Variants in ATG10 observed in about 807,000 individuals in gnomAD.
The protein encoded by ATG10 is autophagy related 10, also known as ubiquitin-like-conjugating enzyme ATG10.
A neutral mutation model predicts 32.1 loss-of-function variants in ATG10; 30 were observed. The ratio of observed to expected loss-of-function variants is 0.94; its 90% CI spans 0.70 to 1.27. The LOEUF (loss-of-function observed/expected upper bound fraction) is 1.27. Among genes scored for constraint, ATG10 ranks in the 50% most tolerant of loss-of-function variants. The pLI, the probability that ATG10 is intolerant of heterozygous loss-of-function variation, is 0.00. For synonymous variants in ATG10, 87 were observed against 91.5 expected (o/e 0.95, Z 0.28); for missense variants, 233 against 262.3 (o/e 0.89, Z 0.77).
At chr5:82,149,805 G>C (rs2149878514) in intron 3 of ATG10, among the ~76,000 whole-genome samples, 1 of 152,214 alleles carries the variant, frequency 6.6e-6, no homozygotes, top group Middle Eastern at 3.4e-3. Flanking sequence ...ATCTCCAATG[G>C]CAAATTCTCT....
chr5:82,178,193 ATCTGTCAGTTCTC>A (rs936374171), intron 4 of ATG10, among the ~76,000 whole-genome samples: 1 of 152,108 alleles, frequency 6.6e-6, no homozygotes, highest in Non-Finnish European at 1.5e-5. Flanking sequence ...CTGTGCTTGC[ATCTGTCAGTTCTC>A]TCTAAAACAC....
In ATG10 at chr5:82,135,977, C is replaced by T. The variant is rs534820871; in HGVS notation, c.217-28422C>T. ...TGATTCCCTTTACCATATGTAATGCCCTTCTTTGTCCTTTTGATCTTTGTT... is the reference window on the plus strand; with the variant it reads ...TGATTCCCTTTACCATATGTAATGCTCTTCTTTGTCCTTTTGATCTTTGTT... On this transcript the variant is annotated intron_variant, in intron 3 of 7. Coordinates refer to ENST00000282185, the MANE Select transcript of ATG10 (RefSeq NM_031482.5). Among the ~76,000 whole-genome samples, 42 of 151,954 alleles carry T rather than the reference C, an allele frequency of 2.8e-4. No individual in the cohort carries two copies. The Middle Eastern group carries it at 0.014, about 49-fold the overall frequency.
chr5:82,192,331 T>C (rs1265612911), intron 5 of ATG10, among the ~76,000 whole-genome samples: 1 of 152,176 alleles, frequency 6.6e-6, no homozygotes, highest in East Asian at 1.9e-4. Flanking sequence ...TCATCTAGAA[T>C]TTGTTTATTC....
chr5:82,079,162 A>G (rs958279879), intron 3 of ATG10, among the ~76,000 whole-genome samples: 17 of 152,148 alleles, frequency 1.1e-4, no homozygotes, highest in African/African-American at 4.1e-4. Context: ...CTTTGGTTAT[A>G]TCTGGGCAAA....
At chr5:82,232,571 C>T (rs1746403955) in intron 5 of ATG10, among the ~76,000 whole-genome samples, 2 of 152,096 alleles carry the variant, frequency 1.3e-5, no homozygotes, top group South Asian at 4.1e-4. Context: ...TTCTTAATCC[C>T]AATCTAATAG....
At chr5:82,020,270 G>T (rs967472333) in intron 2 of ATG10, among the ~76,000 whole-genome samples, 2 of 152,188 alleles carry the variant, frequency 1.3e-5, no homozygotes, top group Non-Finnish European at 2.9e-5. Flanking sequence ...AAGCTGCTGA[G>T]GTTATGGGTT....
At chr5:82,041,766 T>C (rs999332472) in intron 2 of ATG10, among the ~76,000 whole-genome samples, 4 of 152,164 alleles carry the variant, frequency 2.6e-5, no homozygotes, top group African/African-American at 9.7e-5. Context: ...AGGCCACTTA[T>C]GTCTCACAGC....
At chr5:82,024,549 C>G (rs1704203407) in intron 2 of ATG10, among the ~76,000 whole-genome samples, 1 of 152,066 alleles carries the variant, frequency 6.6e-6, no homozygotes, top group South Asian at 2.1e-4. Context: ...AAAAATATGT[C>G]TATGACAGAT....
intron 5 of ATG10, among the ~76,000 whole-genome samples, chr5:82,239,011 CATA>C (rs753828285): frequency 1.3e-5 from 2 of 152,134 alleles, no homozygotes; most frequent in Non-Finnish European, 2.9e-5. Context: ...GCATATTTGA[CATA>C]ATTTTTTAAA....
At chr5:82,092,837 G>A (rs1764936553) in intron 3 of ATG10, among the ~76,000 whole-genome samples, 1 of 152,138 alleles carries the variant, frequency 6.6e-6, no homozygotes, top group African/African-American at 2.4e-5. Context: ...AACATGGTGA[G>A]GCATAATTTA....
chr5:82,246,012 A>G (rs1747014045), intron 5 of ATG10, among the ~76,000 whole-genome samples: 1 of 152,038 alleles, frequency 6.6e-6, no homozygotes, highest in Middle Eastern at 3.2e-3. Context: ...TGGGTTTCAC[A>G]TGCTCTCAAA....
intron 3 of ATG10, among the ~76,000 whole-genome samples, chr5:82,150,111 A>G (rs1171733774): frequency 6.6e-6 from 1 of 152,178 alleles, no homozygotes; most frequent in Non-Finnish European, 1.5e-5. Context: ...AGTGCTCTAA[A>G]AACATCTGCT....
At chr5:82,167,583 A>G (rs988465519) in intron 4 of ATG10, among the ~76,000 whole-genome samples, 3 of 152,196 alleles carry the variant, frequency 2.0e-5, no homozygotes, top group African/African-American at 7.2e-5. Context: ...GACCCAAACC[A>G]TCTATGTATC....
At chr5:82,161,619 C>A (rs371705133) in intron 3 of ATG10, among the ~76,000 whole-genome samples, 1 of 150,186 alleles carries the variant, frequency 6.7e-6, no homozygotes, top group East Asian at 2.0e-4. Flanking sequence ...CCAAATCCTT[C>A]GATTAAGTAT....
At chr5:82,158,265 C>T (rs1394146674) in intron 3 of ATG10, among the ~76,000 whole-genome samples, 1 of 152,134 alleles carries the variant, frequency 6.6e-6, no homozygotes, top group Non-Finnish European at 1.5e-5. Flanking sequence ...CACATATCTT[C>T]ATGAAATAGC....
rs1312629176 is a variant in ATG10, at chr5:81,983,805, C to T, written c.-12-3754C>T. Among the ~76,000 whole-genome samples the T allele has an allele frequency of 4.6e-5, 7 of 151,188 alleles. No homozygotes were observed. The East Asian group carries it at 1.2e-3, about 26-fold the overall frequency. Reference sequence around the variant, plus strand: ...CTCAGATGGGGCGGCCAGGCAGAGACGCTCCTCACCTCCCAGACGGGGTCG... The same window carrying T: ...CTCAGATGGGGCGGCCAGGCAGAGATGCTCCTCACCTCCCAGACGGGGTCG... On this transcript the variant is annotated intron_variant, in intron 1 of 7. Coordinates refer to ENST00000282185, the MANE Select transcript of ATG10 (RefSeq NM_031482.5).
At chr5:82,088,920 G>A (rs1764785385) in intron 3 of ATG10, among the ~76,000 whole-genome samples, 1 of 152,170 alleles carries the variant, frequency 6.6e-6, no homozygotes, top group African/African-American at 2.4e-5. Context: ...CATTGTAGAT[G>A]TAAACAATAT....
At chr5:82,009,000 G>A (rs916431534) in intron 2 of ATG10, among the ~76,000 whole-genome samples, 14 of 152,088 alleles carry the variant, frequency 9.2e-5, no homozygotes, top group East Asian at 3.8e-4. Flanking sequence ...AACCATAATC[G>A]TATGAACCTA....
At chr5:82,096,793 A>G (rs2149798288) in intron 3 of ATG10, among the ~76,000 whole-genome samples, 1 of 152,306 alleles carries the variant, frequency 6.6e-6, no homozygotes, top group South Asian at 2.1e-4. Flanking sequence ...AAAAGAAGTC[A>G]TCAACTAGTA....
Sources: gnomAD v4.1 joint callset for allele counts (sites outside exome capture counted in the v4.1 genomes callset) on GRCh38, gnomAD v4.1.1 for gene constraint, MANE v1.5 for transcripts, NCBI Gene and HGNC (gene_info 2026-07-23, HGNC 2026-07-21) for gene names.